NR3C2: variants seen among roughly 807,000 people sequenced by gnomAD.
NR3C2 encodes the protein nuclear receptor subfamily 3 group C member 2.
In NR3C2, 15 loss-of-function variants were observed where a neutral mutation model predicts 86.4. The observed-to-expected ratio is 0.17, with a 90% CI of 0.12 to 0.27. The LOEUF (loss-of-function observed/expected upper bound fraction) is 0.27, where lower values mean the gene tolerates loss of function less well. NR3C2 is among the 10% of genes least tolerant of loss of function. The pLI is 1.00. For synonymous variants in NR3C2, 458 were observed against 450.5 expected (o/e 1.02, Z -0.21); for missense variants, 960 against 1,195.6 (o/e 0.80, Z 2.91).
At chr4:148,407,457 ATAAT>A (rs1415791773) in intron 2 of NR3C2, among the ~76,000 whole-genome samples, 5 of 152,004 alleles carry the variant, frequency 3.3e-5, no homozygotes, top group Non-Finnish European at 7.4e-5. Context: ...TCTCAAACAT[ATAAT>A]TAGTTTTGAT....
At chr4:148,116,933 T>G (rs1371897815) in intron 7 of NR3C2, among the ~76,000 whole-genome samples, 7 of 152,214 alleles carry the variant, frequency 4.6e-5, no homozygotes, top group Non-Finnish European at 1.0e-4. Context: ...TATCATCCAT[T>G]TGTCATAATT....
At chr4:148,150,783 C>T (rs112402139) in intron 6 of NR3C2, among the ~76,000 whole-genome samples, 1 of 152,124 alleles carries the variant, frequency 6.6e-6, no homozygotes, top group Non-Finnish European at 1.5e-5. Flanking sequence ...CTACAGAATC[C>T]ACTAATGAGG....
chr4:148,285,586 A>T (rs1355682379), intron 2 of NR3C2, among the ~76,000 whole-genome samples: 2 of 152,156 alleles, frequency 1.3e-5, no homozygotes, highest in South Asian at 4.1e-4. Context: ...GTGCGCCTGT[A>T]GTCCCAGCTA....
intron 4 of NR3C2, among the ~76,000 whole-genome samples, chr4:148,182,029 A>G (rs1735670362): frequency 6.6e-6 from 1 of 152,232 alleles, no homozygotes; most frequent in Admixed American, 6.5e-5. Context: ...AATATTCTCT[A>G]GTATTTTGGA....
intron 2 of NR3C2, among the ~76,000 whole-genome samples, chr4:148,330,393 T>C (rs1744171004): frequency 6.6e-6 from 1 of 152,150 alleles, no homozygotes. Context: ...CTCTATTTTA[T>C]CGATTTATAG....
intron 8 of NR3C2, among the ~76,000 whole-genome samples, chr4:148,111,890 C>T (rs1026900479): frequency 2.0e-5 from 3 of 152,068 alleles, no homozygotes; most frequent in African/African-American, 4.8e-5. Context: ...TAGATATATT[C>T]GCTATCTTGA....
chr4:148,351,195 G>A (rs1373718799), intron 2 of NR3C2, among the ~76,000 whole-genome samples: 1 of 152,106 alleles, frequency 6.6e-6, no homozygotes, highest in Non-Finnish European at 1.5e-5. Flanking sequence ...ACCCAGGCTA[G>A]AGAGCAGTGG....
chr4:148,098,444 G>A (rs966206680), intron 8 of NR3C2, among the ~76,000 whole-genome samples: 2 of 151,758 alleles, frequency 1.3e-5, no homozygotes, highest in African/African-American at 2.4e-5. Context: ...CATCTCAACA[G>A]TAGACTCACC....
At chr4:148,100,675 AT>A (rs1198243197) in intron 8 of NR3C2, among the ~76,000 whole-genome samples, 4 of 152,254 alleles carry the variant, frequency 2.6e-5, no homozygotes, top group East Asian at 1.9e-4. Context: ...CCTCAAAAAA[AT>A]AAATGCAGAA....
intron 3 of NR3C2, 137 bp from the exon 4 acceptor site, chr4:148,194,999 T>G: frequency 1.4e-6 from 1 of 692,368 alleles, no homozygotes; most frequent in South Asian, 1.7e-5. Context: ...ACATGATTTG[T>G]GGATAATATA....
At chr4:148,323,869 G>A (rs1051287670) in intron 2 of NR3C2, among the ~76,000 whole-genome samples, 7 of 69,182 alleles carry the variant, frequency 1.0e-4, no homozygotes, top group South Asian at 5.4e-4. Flanking sequence ...GCTGTGGACC[G>A]GAGCTGTTCC....
chr4:148,240,916 C>G (rs1474555043), intron 3 of NR3C2, among the ~76,000 whole-genome samples: 1 of 152,130 alleles, frequency 6.6e-6, no homozygotes, highest in South Asian at 2.1e-4. Context: ...TTTCTCACTG[C>G]CTCCTGGATT....
chr4:148,199,400 A>G (rs1217629413), intron 3 of NR3C2, among the ~76,000 whole-genome samples: 2 of 152,198 alleles, frequency 1.3e-5, no homozygotes, highest in African/African-American at 2.4e-5. Context: ...AGGGCCCAAG[A>G]CTATAGGCAT....
intron 3 of NR3C2, among the ~76,000 whole-genome samples, chr4:148,220,089 A>T (rs995863374): frequency 1.3e-5 from 2 of 149,598 alleles, no homozygotes; most frequent in African/African-American, 4.9e-5. Context: ...CACCCAGCTA[A>T]TTTTTTTTTT....
intron 3 of NR3C2, among the ~76,000 whole-genome samples, chr4:148,252,277 A>G (rs1032927082): frequency 1.8e-4 from 27 of 152,198 alleles, no homozygotes; most frequent in African/African-American, 4.8e-4. Flanking sequence ...GAAATAGTCA[A>G]TGTTTTCCCT....
At chr4:148,401,805 C>G (rs1334716110) in intron 2 of NR3C2, among the ~76,000 whole-genome samples, 1 of 152,082 alleles carries the variant, frequency 6.6e-6, no homozygotes, top group East Asian at 1.9e-4. Context: ...TTTCTCCATG[C>G]CTTTTTCCCT....
At chr4:148,179,179 G>A (rs941862630) in intron 4 of NR3C2, among the ~76,000 whole-genome samples, 1 of 151,624 alleles carries the variant, frequency 6.6e-6, no homozygotes, top group Non-Finnish European at 1.5e-5. Context: ...ATATCAGTGA[G>A]TGTGTGAAAC....
chr4:148,434,361 A>T (rs1051607238), intron 2 of NR3C2, among the ~76,000 whole-genome samples: 2 of 152,220 alleles, frequency 1.3e-5, no homozygotes, highest in Non-Finnish European at 2.9e-5. Context: ...TGCAACAAGG[A>T]AAGCCAAGAG....
intron 8 of NR3C2, among the ~76,000 whole-genome samples, chr4:148,109,521 C>G (rs1731955796): frequency 6.6e-6 from 1 of 152,222 alleles, no homozygotes; most frequent in African/African-American, 2.4e-5. Context: ...AAGGGTCCCA[C>G]CATCCAGGGA....
Sources: gnomAD v4.1 joint callset for allele counts (sites outside exome capture counted in the v4.1 genomes callset) on GRCh38, gnomAD v4.1.1 for gene constraint, MANE v1.5 for transcripts, NCBI Gene and HGNC (gene_info 2026-07-23, HGNC 2026-07-21) for gene names.